Variants in FLCN observed in about 807,000 individuals in gnomAD.
FLCN encodes the protein folliculin, also known as BHD skin lesion fibrofolliculoma protein.
Under a neutral mutation model 62.5 loss-of-function variants are expected in FLCN, and 22 were observed. The observed-to-expected ratio is 0.35, with a 90% CI of 0.25 to 0.50. The LOEUF (loss-of-function observed/expected upper bound fraction) is 0.50. Among genes scored for constraint, FLCN ranks in the 20% least tolerant of loss-of-function variants. FLCN has a pLI of 0.97. For synonymous variants in FLCN, 319 were observed against 310.0 expected, an observed-to-expected ratio of 1.03 and a Z score of -0.30; for missense variants, 657 against 778.0, an observed-to-expected ratio of 0.84 and a Z score of 1.85.
Position 17,222,405 on chromosome 17 carries a change from G to A in FLCN, c.779+96C>T, listed in dbSNP as rs181778422. Reference sequence around the variant, plus strand: ...CTCACAGAGGCAGCAAGCAAACACGGCTAAGGACTGTTCTCCCAAATCCAT... The same window carrying A: ...CTCACAGAGGCAGCAAGCAAACACGACTAAGGACTGTTCTCCCAAATCCAT... On this transcript the variant is annotated intron_variant, in intron 7 of 13. Coordinates refer to ENST00000285071, the MANE Select transcript of FLCN (RefSeq NM_144997.7). 62 of 1,560,000 alleles carry A rather than the reference G, an allele frequency of 4.0e-5. No homozygotes were observed. The East Asian group carries it at 1.4e-3, about 36-fold the overall frequency.
intron 1 of FLCN, among the ~76,000 whole-genome samples, chr17:17,233,361 G>A (rs2047478217): frequency 6.6e-6 from 1 of 152,030 alleles, no homozygotes; most frequent in African/African-American, 2.4e-5. Context: ...ACTTTGGGAG[G>A]CCGAGGTGGG....
chr17:17,224,300 A>G (rs2047187580), intron 5 of FLCN, 157 bp from the exon 6 acceptor site: 1 of 692,674 alleles, frequency 1.4e-6, no homozygotes, highest in African/African-American at 1.8e-5. Context: ...CGAAGACTGT[A>G]CTCTTCTGCT....
chr17:17,213,934 G>C, intron 13 of FLCN, 78 bp from the exon 14 acceptor site: 1 of 1,503,242 alleles, frequency 6.7e-7, no homozygotes, highest in Non-Finnish European at 9.2e-7. Flanking sequence ...AACCAGGGGT[G>C]ACACGGCTTT....
rs774358971 is a variant in FLCN, at chr17:17,224,005, G to T, written c.535C>A (p.Arg179=). ...WYSIITIMMD[R]IYLINSWPFL... is the part of the protein sequence containing the mutation. ...GGCCAGGAGTTGATGAGGTAGATCC[G>T]GTCCATCATGATGGTGATGATGCTG... The change falls in exon 6 of 14, where the codon CGG becomes AGG. Residue 179 remains arginine (R), a synonymous_variant. Transcript: ENST00000285071. 6.2e-7 allele frequency: 1 copy of T among 1,613,662 alleles called. No homozygotes were observed. Among genetic ancestry groups the T allele is most frequent in the Non-Finnish European group, 8.5e-7 (1 of 1,180,010 alleles).
chr17:17,215,995 G>A (rs765429158), intron 11 of FLCN, among the ~76,000 whole-genome samples: 1 of 152,188 alleles, frequency 6.6e-6, no homozygotes. Flanking sequence ...GTCAGGACAG[G>A]GGAACAGTAG....
In FLCN at chr17:17,216,581, C is replaced by G. The variant is rs565231275; in HGVS notation, c.1177-78G>C. On this transcript the variant is annotated intron_variant, in intron 10 of 13. Transcript: ENST00000285071. The surrounding 1 kb of genome is among the most constrained non-coding windows in gnomAD (Gnocchi z 4.0). Reference sequence around the variant, plus strand: ...GGCCATCCATGCTCTACTACCCAAACCCCACACGCCTCCTGCAGCCCGGTC... The same window carrying G: ...GGCCATCCATGCTCTACTACCCAAAGCCCACACGCCTCCTGCAGCCCGGTC... The G allele has an allele frequency of 7.5e-6, 12 of 1,594,618 alleles. No homozygotes were observed. Among genetic ancestry groups the G allele is most frequent in the Non-Finnish European group, 1.0e-5 (12 of 1,173,586 alleles).
intron 8 of FLCN, 126 bp downstream of exon 8, chr17:17,221,411 G>A (rs2047081364): frequency 1.9e-6 from 3 of 1,613,576 alleles, no homozygotes; most frequent in East Asian, 4.5e-5. Flanking sequence ...GCTTCCCGAA[G>A]GCTCGTTCTG....
In FLCN at chr17:17,222,514, T is replaced by C; in HGVS notation, c.766A>G (p.Thr256Ala). ...SDDNLWACLH[T>A]SFAWLLKACG... ...GACGCCCGTTACCAGGCAAAGGAGG[T>C]GTGCAGGCACGCCCACAGGTTGTCA... The change falls in exon 7 of 14, where the codon ACC becomes GCC. Residue 256 changes from threonine (T) to alanine (A), a missense_variant. Thr to Ala is a moderately conservative substitution (Grantham distance 58). Coordinates refer to ENST00000285071, the MANE Select transcript of FLCN (RefSeq NM_144997.7). 6.2e-7 allele frequency: 1 copy of C among 1,614,088 alleles called. No homozygotes were observed.
chr17:17,217,233 CTCTCCCT>C (rs764241345), intron 9 of FLCN, 51 bp from the exon 10 acceptor site: 6 of 1,216,524 alleles, frequency 4.9e-6, no homozygotes, highest in Non-Finnish European at 7.3e-6. Flanking sequence ...AATGGTTTTT[CTCTCCCT>C]TCCCATGAAG....
In FLCN at chr17:17,227,942, C is replaced by T. The variant is rs2145041493; in HGVS notation, c.196G>A (p.Gly66Arg). 1 of 1,614,158 alleles carries T rather than the reference C, an allele frequency of 6.2e-7. No individual in the cohort carries two copies. Among genetic ancestry groups the T allele is most frequent in the Non-Finnish European group, 8.5e-7 (1 of 1,180,042 alleles). The change falls in exon 4 of 14, where the codon GGG (glycine) becomes AGG (arginine). Residue 66 changes from glycine (G) to arginine (R), a missense_variant. Coordinates refer to ENST00000285071, the MANE Select transcript of FLCN (RefSeq NM_144997.7). ...GGGCTGCTGGACTCGACGCTGGCCC[C>T]CTCTGCGGGGCTGTGCGCACGCATC... ...SRMRAHSPAE[G>R]ASVESSSPGP...
chr17:17,235,731 AT>A (rs2047564340), intron 1 of FLCN: 1 of 152,228 alleles, frequency 6.6e-6, no homozygotes, highest in Non-Finnish European at 1.5e-5. Flanking sequence ...GCGTGAGGTC[AT>A]TCTTCACTCA....
chr17:17,231,157 G>T (rs1413997653), intron 3 of FLCN, among the ~76,000 whole-genome samples: 1 of 151,926 alleles, frequency 6.6e-6, no homozygotes, highest in African/African-American at 2.4e-5. Context: ...CCAAGACTGC[G>T]CAACTGCAGT....
intron 8 of FLCN, chr17:17,219,550 TTTC>T (rs1261432922): frequency 4.1e-6 from 1 of 246,604 alleles, no homozygotes; most frequent in Admixed American, 5.3e-5. Flanking sequence ...CTACACGTTG[TTTC>T]TTTTTTTTCC....
chr17:17,217,957 A>G (rs1232988144), intron 9 of FLCN, among the ~76,000 whole-genome samples: 1 of 152,192 alleles, frequency 6.6e-6, no homozygotes, highest in African/African-American at 2.4e-5. Context: ...CTTCATCAAC[A>G]TAAGCAACGG....
At chr17:17,229,977 G>C in intron 3 of FLCN, among the ~76,000 whole-genome samples, 1 of 152,210 alleles carries the variant, frequency 6.6e-6, no homozygotes, top group East Asian at 1.9e-4. Flanking sequence ...GGCCGCGGCA[G>C]CATGAGGCAG....
At chr17:17,232,012 T>C in intron 2 of FLCN, 130 bp from the exon 3 acceptor site, 1 of 152,998 alleles carries the variant, frequency 6.5e-6, no homozygotes, top group Non-Finnish European at 1.5e-5. Flanking sequence ...GGGCTAGTGC[T>C]CTGTAGGTGC....
chr17:17,222,408 A>G lies in FLCN; in HGVS notation c.779+93T>C, dbSNP rs2047119082. Reference sequence around the variant, plus strand: ...ACAGAGGCAGCAAGCAAACACGGCTAAGGACTGTTCTCCCAAATCCATGGA... The same window carrying G: ...ACAGAGGCAGCAAGCAAACACGGCTGAGGACTGTTCTCCCAAATCCATGGA... On this transcript the variant is annotated intron_variant, in intron 7 of 13. Transcript: ENST00000285071. The G allele has an allele frequency of 5.7e-6, 9 of 1,568,396 alleles. No individual in the cohort carries two copies. In the East Asian group the frequency reaches 1.8e-4, roughly 32 times the overall value.
At chr17:17,214,321 T>C (rs758925591) in intron 13 of FLCN, among the ~76,000 whole-genome samples, 6 of 148,298 alleles carry the variant, frequency 4.0e-5, no homozygotes, top group South Asian at 2.1e-4. Flanking sequence ...GGGGGCCAGG[T>C]GCAGTGGCTC....
intron 1 of FLCN, among the ~76,000 whole-genome samples, chr17:17,233,206 A>G (rs554235803): frequency 6.6e-6 from 1 of 152,110 alleles, no homozygotes; most frequent in Admixed American, 6.6e-5. Flanking sequence ...TAATCCCAAC[A>G]CTTCGGGAGG....
Sources: gnomAD v4.1 joint callset for allele counts (sites outside exome capture counted in the v4.1 genomes callset) on GRCh38, gnomAD v4.1.1 for gene constraint, Gnocchi (gnomAD v3.1) non-coding constraint, MANE v1.5 for transcripts, NCBI Gene and HGNC (gene_info 2026-07-23, HGNC 2026-07-21) for gene names.